ULK4: variants seen among roughly 807,000 people sequenced by gnomAD.
The protein encoded by ULK4 is unc-51 like kinase 4.
ULK4 carries 133 observed loss-of-function variants against 160.6 expected under a neutral mutation model. The ratio of observed to expected loss-of-function variants is 0.83; its 90% CI spans 0.72 to 0.96. ULK4 has a LOEUF of 0.96. ULK4 is among the 40% of genes least tolerant of loss of function. The probability of loss-of-function intolerance (pLI) is 0.00; values close to 1 mark genes in which losing one functional copy is unlikely to be tolerated. For missense variants in ULK4, 1,580 were observed against 1,499.5 expected (o/e 1.05, Z -0.89); for synonymous variants, 534 against 539.8 (o/e 0.99, Z 0.15).
intron 31 of ULK4, among the ~76,000 whole-genome samples, chr3:41,589,042 CA>C (rs2031050928): frequency 6.6e-6 from 1 of 152,014 alleles, no homozygotes; most frequent in Non-Finnish European, 1.5e-5. Context: ...TCTTGGACTT[CA>C]CCTTCCAGCC....
intron 31 of ULK4, among the ~76,000 whole-genome samples, chr3:41,598,800 G>C (rs930378565): frequency 1.9e-4 from 29 of 152,190 alleles, no homozygotes; most frequent in South Asian, 1.0e-3. Context: ...GTGGTATTAT[G>C]TAAGTGTATT....
At chr3:41,569,198 T>C (rs552409793) in intron 31 of ULK4, among the ~76,000 whole-genome samples, 9 of 152,224 alleles carry the variant, frequency 5.9e-5, no homozygotes, top group South Asian at 2.1e-4. Context: ...TATGGAAGTT[T>C]TGTTATGTAG....
intron 21 of ULK4, among the ~76,000 whole-genome samples, chr3:41,772,085 A>C (rs2125920777): frequency 6.6e-6 from 1 of 152,290 alleles, no homozygotes. Flanking sequence ...TGTAGAGGGA[A>C]GTTTATAGCT....
chr3:41,824,163 T>TA (rs78604753), intron 18 of ULK4, among the ~76,000 whole-genome samples: 1,318 of 117,764 alleles, frequency 0.011, 26 homozygotes, highest in African/African-American at 0.038. Flanking sequence ...ACTCTATCTT[T>TA]AAAAAAAAAA....
At chr3:41,486,002 C>G (rs2084513872) in intron 32 of ULK4, among the ~76,000 whole-genome samples, 1 of 152,170 alleles carries the variant, frequency 6.6e-6, no homozygotes, top group South Asian at 2.1e-4. Context: ...CTAAACATAT[C>G]TGACCTTTTG....
rs772778130 is a variant in ULK4, at chr3:41,896,904, C to T, written c.1448G>A (p.Arg483Gln). 6 of 1,613,456 alleles carry T rather than the reference C, an allele frequency of 3.7e-6. No homozygotes were observed. Among genetic ancestry groups the T allele is most frequent in the East Asian group, 2.2e-5 (1 of 44,878 alleles). The part of the protein sequence containing the change: ...DSTEKSMGAS[R>Q]AKLNLLCYLC... ...ATAGCAAAGGAGATTCAGCTTGGCT[C>T]GGGAGGCCCCCATGCTCTTCTCAGT... The change falls in exon 15 of 37, where the codon CGA (arginine) becomes CAA (glutamine). Residue 483 changes from arginine (R) to glutamine (Q), a missense_variant. By Grantham distance (43) the Arg-to-Gln change is conservative. Coordinates refer to ENST00000301831, the MANE Select transcript of ULK4 (RefSeq NM_017886.4).
At chr3:41,811,896 T>C (rs2040828622) in intron 19 of ULK4, among the ~76,000 whole-genome samples, 1 of 152,236 alleles carries the variant, frequency 6.6e-6, no homozygotes, top group Non-Finnish European at 1.5e-5. Context: ...AAAGTAATTT[T>C]CAGTAGCTTT....
intron 30 of ULK4, among the ~76,000 whole-genome samples, chr3:41,630,285 G>A (rs1198779700): frequency 6.6e-6 from 1 of 152,166 alleles, no homozygotes; most frequent in Middle Eastern, 3.2e-3. Flanking sequence ...GGAGGTGGAG[G>A]GGATACATTT....
At chr3:41,779,985 T>TTAA (rs1265057103) in intron 21 of ULK4, among the ~76,000 whole-genome samples, 9 of 59,364 alleles carry the variant, frequency 1.5e-4, no homozygotes, top group African/African-American at 4.2e-4. Flanking sequence ...TAGAGTATAA[T>TTAA]AAAAAAAAAA....
intron 35 of ULK4, among the ~76,000 whole-genome samples, chr3:41,275,302 T>C (rs2079211196): frequency 6.6e-6 from 1 of 152,264 alleles, no homozygotes; most frequent in African/African-American, 2.4e-5. Flanking sequence ...AACAATTTGC[T>C]GGTTGCAAAG....
intron 35 of ULK4, among the ~76,000 whole-genome samples, chr3:41,280,152 C>G (rs1480587718): frequency 6.6e-6 from 1 of 152,176 alleles, no homozygotes; most frequent in African/African-American, 2.4e-5. Flanking sequence ...CACCCAGATT[C>G]ATAAAGCAAG....
At chr3:41,496,777 G>A (rs1047301543) in intron 32 of ULK4, among the ~76,000 whole-genome samples, 1 of 152,064 alleles carries the variant, frequency 6.6e-6, no homozygotes, top group African/African-American at 2.4e-5. Context: ...AGAGAGAAAA[G>A]ATCTCCCTAA....
chr3:41,757,106 A>G (rs1021676716), intron 21 of ULK4, among the ~76,000 whole-genome samples: 2 of 152,176 alleles, frequency 1.3e-5, no homozygotes, highest in African/African-American at 4.8e-5. Flanking sequence ...GATTTTCTTG[A>G]TATATAAATA....
intron 4 of ULK4, 66 bp from the exon 5 acceptor site, chr3:41,932,072 CTTA>C (rs1156574197): frequency 2.2e-6 from 3 of 1,386,022 alleles, no homozygotes; most frequent in Non-Finnish European, 2.9e-6. Context: ...ATCAGTACCT[CTTA>C]TAATTGTACT....
At chr3:41,657,589 G>A (rs938768497) in intron 30 of ULK4, among the ~76,000 whole-genome samples, 1 of 151,978 alleles carries the variant, frequency 6.6e-6, no homozygotes, top group African/African-American at 2.4e-5. Flanking sequence ...AGAGGCCGAG[G>A]TGGGTGGACC....
intron 33 of ULK4, among the ~76,000 whole-genome samples, chr3:41,458,305 G>C (rs968602095): frequency 6.6e-6 from 1 of 152,188 alleles, no homozygotes; most frequent in Admixed American, 6.5e-5. Context: ...CTAGAGGATG[G>C]GGACTGAATC....
At chr3:41,431,547 C>CTTTTTTTTTTTTTTTTTTTCT (rs1553664758) in intron 34 of ULK4, among the ~76,000 whole-genome samples, 1 of 95,854 alleles carries the variant, frequency 1.0e-5, no homozygotes, top group African/African-American at 4.2e-5. Context: ...AATTCCCTCC[C>CTTTTTTTTTTTTTTTTTTTCT]TTTTTTTTTT....
chr3:41,398,008 A>G, intron 35 of ULK4, 71 bp downstream of exon 35: 1 of 1,491,888 alleles, frequency 6.7e-7, no homozygotes, highest in South Asian at 1.3e-5. Context: ...GGTCCAAGAA[A>G]TGGCTACTCA....
At chr3:41,739,003 A>T (rs1027051569) in intron 22 of ULK4, among the ~76,000 whole-genome samples, 11 of 151,962 alleles carry the variant, frequency 7.2e-5, no homozygotes, top group African/African-American at 2.7e-4. Flanking sequence ...GTGCAGCTTA[A>T]GAGCAAAGTC....
Sources: allele counts gnomAD v4.1 joint callset (sites outside exome capture counted in the v4.1 genomes callset), GRCh38; gene constraint gnomAD v4.1.1; transcripts MANE v1.5; gene names NCBI Gene and HGNC (gene_info 2026-07-23, HGNC 2026-07-21).